PTPRC: variants seen among roughly 807,000 people sequenced by gnomAD.
PTPRC encodes receptor-type tyrosine-protein phosphatase C.
PTPRC carries 44 observed loss-of-function variants against 155.9 expected under a neutral mutation model. That is an observed-to-expected ratio of 0.28 (90% CI 0.22 to 0.36). The LOEUF (loss-of-function observed/expected upper bound fraction) is 0.36, where lower values mean the gene tolerates loss of function less well. Among genes scored for constraint, PTPRC ranks in the 10% least tolerant of loss-of-function variants. The pLI is 1.00. For missense variants in PTPRC, 1,401 were observed against 1,564.6 expected (o/e 0.90, Z 1.76); for synonymous variants, 525 against 533.1 (o/e 0.98, Z 0.21).
rs139089055 is a variant in PTPRC, at chr1:198,734,356, C to G, written c.2208C>G (p.Phe736Leu). 154 of 1,610,866 alleles carry G rather than the reference C, an allele frequency of 9.6e-5. No individual in the cohort carries two copies. The highest frequency in any genetic ancestry group is 9.0e-5 in the Non-Finnish European group (106 of 1,177,894). Residue 736 changes from phenylalanine (F) to leucine (L), a missense_variant, in exon 22 of 33, where the codon TTC becomes TTG. Physicochemically the swap from Phe to Leu is conservative, Grantham distance 22. This residue lies in a region of PTPRC where 867 missense variants were observed against 970.4 expected (regional missense o/e 0.89). Coordinates refer to ENST00000442510, the MANE Select transcript of PTPRC (RefSeq NM_002838.5). The stretch of plus-strand genomic sequence containing the variant: ...CCAGGGATGAAACTGTTGATGATTT[C>G]TGGAGGATGATTTGGGAACAGAAAG... The part of the protein sequence containing the change: ...QGPRDETVDD[F>L]WRMIWEQKAT...
intron 23 of PTPRC, among the ~76,000 whole-genome samples, chr1:198,739,337 T>G (rs1654791405): frequency 6.6e-6 from 1 of 151,782 alleles, no homozygotes; most frequent in Admixed American, 6.6e-5. Flanking sequence ...ACAAGAAACA[T>G]TCTTCACCTG....
chr1:198,711,033 T>A (rs1028512739), intron 11 of PTPRC, among the ~76,000 whole-genome samples: 1 of 152,230 alleles, frequency 6.6e-6, no homozygotes, highest in East Asian at 1.9e-4. Context: ...TTTCTGTATT[T>A]TTAGTAGAGA....
At chr1:198,712,706 G>C in intron 11 of PTPRC, 1 of 491,592 alleles carries the variant, frequency 2.0e-6, no homozygotes, top group South Asian at 2.4e-5. Context: ...AGGAAGAGGG[G>C]GTTCTTAGAT....
rs760393591 is a variant in PTPRC at position 198,755,915 on chromosome 1, C to A, written c.3655C>A (p.Gln1219Lys). The change falls in exon 33 of 33, where the codon CAA (glutamine) becomes AAA (lysine). Residue 1219 changes from glutamine to lysine, a missense_variant. Around this residue, in one of 3 missense-constraint regions of PTPRC, gnomAD observed 400 missense variants for 389.5 expected, o/e 1.03. Coordinates refer to ENST00000442510, the MANE Select transcript of PTPRC (RefSeq NM_002838.5). ...PGMVSTFEQYQFLYDVIASTY... is the reference protein window; with the variant it reads ...PGMVSTFEQYKFLYDVIASTY... ...TTAATTCCTTTACTAGGAGCAATAT[C>A]AATTCCTATATGACGTCATTGCCAG... 10 of 1,610,044 alleles carry A rather than the reference C, an allele frequency of 6.2e-6. No individual in the cohort carries two copies. The highest frequency in any genetic ancestry group is 1.1e-5 in the South Asian group (1 of 90,866).
At chr1:198,718,051 A>G in intron 13 of PTPRC, 43 bp from the exon 14 acceptor site, 1 of 1,415,192 alleles carries the variant, frequency 7.1e-7, no homozygotes, top group Non-Finnish European at 1.0e-6. Context: ...TTACATATGC[A>G]TCTATTAAAT....
chr1:198,737,099 C>T (rs1416954466), intron 23 of PTPRC, among the ~76,000 whole-genome samples: 2 of 151,668 alleles, frequency 1.3e-5, no homozygotes, highest in Non-Finnish European at 3.0e-5. Flanking sequence ...AATGCTTTGT[C>T]AGATGGATAG....
At chr1:198,739,429 A>G (rs1304168856) in intron 23 of PTPRC, among the ~76,000 whole-genome samples, 1 of 150,848 alleles carries the variant, frequency 6.6e-6, no homozygotes, top group African/African-American at 2.5e-5. Context: ...AGGAGTACCT[A>G]TACTTATATA....
intron 13 of PTPRC, among the ~76,000 whole-genome samples, chr1:198,717,631 G>A (rs1386588872): frequency 6.6e-6 from 1 of 152,160 alleles, no homozygotes; most frequent in African/African-American, 2.4e-5. Flanking sequence ...CTGAGTTTCT[G>A]TATCACAGAA....
At chr1:198,720,367 G>T (rs539502746) in intron 14 of PTPRC, among the ~76,000 whole-genome samples, 1 of 152,174 alleles carries the variant, frequency 6.6e-6, no homozygotes, top group East Asian at 1.9e-4. Flanking sequence ...GTCTCGCTTT[G>T]TCACCCAGGC....
In PTPRC at chr1:198,748,182, A is replaced by T. The variant is rs115365240; in HGVS notation, c.2921A>T (p.Asn974Ile). ...GAAGAAAATAAAAGTAAAAACAGGA[A>T]TTCTAATGTCATCCCATGTATGTAG... ...NQEENKSKNR[N>I]SNVIPYDYNR... Residue 974 changes from asparagine to isoleucine, a missense_variant, in exon 27 of 33, where the codon AAT (asparagine) becomes ATT (isoleucine). Transcript: ENST00000442510. 1 of 1,607,656 alleles carries T rather than the reference A, an allele frequency of 6.2e-7. No individual in the cohort carries two copies. Among genetic ancestry groups the T allele is most frequent in the South Asian group, 1.1e-5 (1 of 90,466 alleles).
chr1:198,709,637 G>A (rs1322409466), intron 10 of PTPRC, 50 bp from the exon 11 acceptor site: 1 of 1,397,726 alleles, frequency 7.2e-7, no homozygotes, highest in East Asian at 2.4e-5. Flanking sequence ...ATAAATGTGT[G>A]CGTGAAATAT....
rs190679660 is a variant in PTPRC at position 198,655,361 on chromosome 1, C to T, written c.73+16020C>T. On this transcript the variant is annotated intron_variant, in intron 2 of 32. Coordinates refer to ENST00000442510, the MANE Select transcript of PTPRC (RefSeq NM_002838.5). ...AGACCTTAGAAATAATCTATTTCAACGCATCTATTTTACAAAAAAGAAAAT... is the reference window on the plus strand; with the variant it reads ...AGACCTTAGAAATAATCTATTTCAATGCATCTATTTTACAAAAAAGAAAAT... 9.2e-5 allele frequency among the ~76,000 whole-genome samples: 14 copies of T among 152,018 alleles called. No individual in the cohort carries two copies. The East Asian group carries it at 9.7e-4, about 11-fold the overall frequency.
At chr1:198,671,170 AC>A (rs79523539) in intron 2 of PTPRC, among the ~76,000 whole-genome samples, 8,081 of 151,514 alleles carry the variant, frequency 0.053, 264 homozygotes, top group East Asian at 0.13. Flanking sequence ...CTTTTCACTA[AC>A]CCATTTACTG....
At chr1:198,707,828 G>T (rs540138763) in intron 9 of PTPRC, among the ~76,000 whole-genome samples, 1 of 152,268 alleles carries the variant, frequency 6.6e-6, no homozygotes, top group South Asian at 2.1e-4. Context: ...TGGAATGAGT[G>T]TTTTTTAAAA....
At chr1:198,651,451 C>A (rs951067418) in intron 2 of PTPRC, among the ~76,000 whole-genome samples, 1 of 151,578 alleles carries the variant, frequency 6.6e-6, no homozygotes, top group South Asian at 2.1e-4. Flanking sequence ...AATTAAACTG[C>A]ACATAAATAG....
chr1:198,724,970 T>A (rs1180018735), intron 15 of PTPRC, among the ~76,000 whole-genome samples: 1 of 151,938 alleles, frequency 6.6e-6, no homozygotes, highest in African/African-American at 2.4e-5. Context: ...CCTGGCTAAT[T>A]TTTGTATTTT....
At chr1:198,676,167 G>T (rs1003204821) in intron 2 of PTPRC, among the ~76,000 whole-genome samples, 1 of 152,150 alleles carries the variant, frequency 6.6e-6, no homozygotes, top group Non-Finnish European at 1.5e-5. Context: ...GTATTAATGC[G>T]CTGTATGAAT....
chr1:198,748,832 T>C (rs951777448), intron 27 of PTPRC, among the ~76,000 whole-genome samples: 4 of 151,758 alleles, frequency 2.6e-5, no homozygotes, highest in African/African-American at 9.7e-5. Context: ...ATCAGATCAG[T>C]GCATGGTTGA....
intron 18 of PTPRC, 27 bp downstream of exon 18, chr1:198,731,753 A>C: frequency 6.6e-7 from 1 of 1,510,664 alleles, no homozygotes; most frequent in Non-Finnish European, 9.2e-7. Context: ...TTATATGATG[A>C]TAAATTCGAC....
Sources: gnomAD v4.1 joint callset for allele counts (sites outside exome capture counted in the v4.1 genomes callset) on GRCh38, gnomAD v4.1.1 for gene constraint, gnomAD v4.1.1 regional missense constraint, MANE v1.5 for transcripts, NCBI Gene and HGNC (gene_info 2026-07-23, HGNC 2026-07-21) for gene names.